The following GPR35 variants were observed in gnomAD, a reference collection of about 807,000 sequenced individuals.
GPR35 encodes KYNA receptor.
For missense variants in GPR35, 372 were observed against 422.5 expected (o/e 0.88, Z 1.05); for synonymous variants, 207 against 198.4 (o/e 1.04, Z -0.36).
At chr2:240,615,446 A>G (rs1052536893) in intron 2 of GPR35, among the ~76,000 whole-genome samples, 2 of 152,262 alleles carry the variant, frequency 1.3e-5, no homozygotes, top group African/African-American at 4.8e-5. Context: ...TTTTCTACAG[A>G]CTAGCAGTGG....
At chr2:240,627,658 A>C (rs1424631536) in intron 1 of GPR35, 1 of 29,828 alleles carries the variant, frequency 3.4e-5, no homozygotes, top group African/African-American at 8.3e-5. Context: ...TTTTTTTTGT[A>C]GAGACGGGGT....
At chr2:240,619,076 T>G in intron 5 of GPR35, 1 of 694,224 alleles carries the variant, frequency 1.4e-6, no homozygotes, top group South Asian at 1.5e-5. Context: ...AAAGAGTAAA[T>G]GCATCTCTAA....
At position 240,619,026 on chromosome 2, in the gene GPR35, C is replaced by G; in HGVS notation, c.-10C>G. On this transcript the variant is annotated 5_prime_UTR_variant, in exon 5 of 6. Transcript: ENST00000319838. The stretch of plus-strand genomic sequence containing the variant: ...AGTACATGCTTCATAGTCCTTGCGT[C>G]TCTCTGTGAGTACATTCCTAGAAGT... 4.3e-6 allele frequency: 3 copies of G among 702,630 alleles called. 1 individual carries two copies. The South Asian group carries it at 4.4e-5, about 10-fold the overall frequency. 43.5% of individuals were successfully genotyped at this position (702,630 alleles called of 1,614,324 possible).
chr2:240,625,407 A>G (rs1196411907), upstream of GPR35: 14 of 985,352 alleles, frequency 1.4e-5, no homozygotes, highest in Non-Finnish European at 1.7e-5. Flanking sequence ...GCCGTCAGTC[A>G]GCCGCCCGCC....
In GPR35 at chr2:240,632,989, C is replaced by T. The variant is rs746268867; in HGVS notation, c.*2107C>T. Reference sequence around the variant, plus strand: ...GTTCTCATGATAGTGAGTGAGTTCTCATGAGATCTGATGGTTTTATAAGGG... The same window carrying T: ...GTTCTCATGATAGTGAGTGAGTTCTTATGAGATCTGATGGTTTTATAAGGG... On this transcript the variant is annotated 3_prime_UTR_variant, in exon 2 of 2. Transcript: ENST00000407714. Among the ~76,000 whole-genome samples, 5 of 152,348 alleles carry T rather than the reference C, an allele frequency of 3.3e-5. No individual in the cohort carries two copies. Among genetic ancestry groups the T allele is most frequent in the Middle Eastern group, 3.4e-3 (1 of 294 alleles).
chr2:240,625,382 T>G (rs1443134978), upstream of GPR35: 30 of 985,502 alleles, frequency 3.0e-5, no homozygotes, highest in Non-Finnish European at 3.5e-5. Context: ...GAACTCCTGT[T>G]ACCCCTGACC....
chr2:240,626,087 G>C (rs77305272), intron 1 of GPR35, among the ~76,000 whole-genome samples: 272 of 2,266 alleles, frequency 0.12, 2 homozygotes, highest in East Asian at 0.21. Context: ...GGGTGAGGCT[G>C]TGACGGGGTC....
intron 2 of GPR35, among the ~76,000 whole-genome samples, chr2:240,610,262 A>T (rs936716003): frequency 4.6e-5 from 7 of 152,140 alleles, no homozygotes; most frequent in African/African-American, 1.4e-4. Flanking sequence ...TGGTCCGTGA[A>T]ATGTCCCTTT....
intron 1 of GPR35, 109 bp from the exon 2 acceptor site, chr2:240,629,840 C>T (rs1279983679): frequency 3.3e-6 from 3 of 904,326 alleles, no homozygotes; most frequent in Admixed American, 2.3e-5. Flanking sequence ...GGTGTGGGGT[C>T]GGGGCTCACC....
chr2:240,613,505 A>C (rs1236485718), intron 2 of GPR35, among the ~76,000 whole-genome samples: 1 of 152,072 alleles, frequency 6.6e-6, no homozygotes, highest in East Asian at 1.9e-4. Flanking sequence ...CTGGAACCCT[A>C]ACCTGAACCC....
At chr2:240,622,117 C>T (rs374018885), upstream of GPR35, among the ~76,000 whole-genome samples, 8 of 151,988 alleles carry the variant, frequency 5.3e-5, no homozygotes, top group African/African-American at 1.9e-4. Flanking sequence ...TGGGCTCAAG[C>T]CAACCTCCCA....
upstream of GPR35, among the ~76,000 whole-genome samples, chr2:240,623,960 G>A (rs980679574): frequency 6.7e-6 from 1 of 149,286 alleles, no homozygotes; most frequent in Non-Finnish European, 1.5e-5. Flanking sequence ...CTGGGGAGGA[G>A]TGATGCCCAG....
At chr2:240,610,084 T>C (rs925312685) in intron 2 of GPR35, among the ~76,000 whole-genome samples, 34 of 151,734 alleles carry the variant, frequency 2.2e-4, no homozygotes, top group African/African-American at 8.0e-4. Flanking sequence ...CTCAGCCTCC[T>C]GAGTAGCTGG....
At position 240,607,875 on chromosome 2, in the gene GPR35, T is replaced by TTTCTTC. The variant is rs746987058; in HGVS notation, c.-577+1274_-577+1279dup. Among the ~76,000 whole-genome samples, 9 of 151,852 alleles carry TTTCTTC rather than the reference T, an allele frequency of 5.9e-5. No homozygotes were observed. The East Asian group carries it at 1.4e-3, about 23-fold the overall frequency. On this transcript the variant is annotated intron_variant, in intron 2 of 5. Coordinates refer to the GPR35 transcript ENST00000319838. ...CTCCTCCTCCTCCTCTTCTTTCTTC[T>TTTCTTC]TTCTTCTTCTTCTTCTCTTTTTTGT...
chr2:240,618,979 C>G, exon 5 of GPR35: 4 of 702,896 alleles, frequency 5.7e-6, no homozygotes, highest in Non-Finnish European at 1.0e-5. Flanking sequence ...CACTCCACAC[C>G]GTGGCAGTGA....
intron 2 of GPR35, among the ~76,000 whole-genome samples, chr2:240,613,835 ACAAC>A (rs1323114519): frequency 7.1e-6 from 1 of 141,552 alleles, no homozygotes; most frequent in Non-Finnish European, 1.5e-5. Context: ...AACTCCAACT[ACAAC>A]CATAACCCTA....
At chr2:240,618,685 A>G (rs2043262154) in intron 4 of GPR35, among the ~76,000 whole-genome samples, 2 of 152,148 alleles carry the variant, frequency 1.3e-5, no homozygotes, top group African/African-American at 4.8e-5. Context: ...TCCCATTTCC[A>G]CCTGTTTCCT....
At position 240,612,001 on chromosome 2, in the gene GPR35, G is replaced by A. The variant is rs200071937; in HGVS notation, c.-576-4387G>A. On this transcript the variant is annotated intron_variant, in intron 2 of 5. Coordinates refer to the GPR35 transcript ENST00000319838. ...AAACAAGGAAGCGTGTGTCATGGAG[G>A]CCACACGAGGAAGTGGCTTTGTGGT... Among the ~76,000 whole-genome samples, 5 of 152,038 alleles carry A rather than the reference G, an allele frequency of 3.3e-5. No individual in the cohort carries two copies. In the East Asian group the frequency reaches 9.7e-4, roughly 29 times the overall value.
In GPR35 at chr2:240,631,546, G is replaced by A. The variant is rs988307310; in HGVS notation, c.*664G>A. ...GGGCTGCACAGCGGTGCAAGGGGGG[G>A]TGACCAAGGTCAAGCAGGTGAGGGT... On this transcript the variant is annotated 3_prime_UTR_variant, in exon 2 of 2. Transcript: ENST00000407714. Among the ~76,000 whole-genome samples, 21 of 151,584 alleles carry A rather than the reference G, an allele frequency of 1.4e-4. No individual in the cohort carries two copies. The highest frequency in any genetic ancestry group is 5.1e-4 in the African/African-American group (21 of 41,348).
Sources: allele counts gnomAD v4.1 joint callset (sites outside exome capture counted in the v4.1 genomes callset), GRCh38; gene constraint gnomAD v4.1.1; transcripts MANE v1.5; gene names NCBI Gene and HGNC (gene_info 2026-07-23, HGNC 2026-07-21).